The following TBC1D14 variants were observed in gnomAD, a reference collection of about 807,000 sequenced individuals.
The protein encoded by TBC1D14 is TBC1 domain family member 14.
Under a neutral mutation model 79.0 loss-of-function variants are expected in TBC1D14, and 26 were observed. The observed-to-expected ratio is 0.33, with a 90% CI of 0.24 to 0.46. TBC1D14 has a LOEUF of 0.46. Among genes scored for constraint, TBC1D14 ranks in the 20% least tolerant of loss-of-function variants. The pLI is 1.00. For missense variants in TBC1D14, 769 were observed against 887.6 expected (o/e 0.87, Z 1.70); for synonymous variants, 394 against 349.9 (o/e 1.13, Z -1.40).
At chr4:6,964,426 G>T (rs1715522373) in intron 2 of TBC1D14, among the ~76,000 whole-genome samples, 1 of 152,176 alleles carries the variant, frequency 6.6e-6, no homozygotes, top group South Asian at 2.1e-4. Context: ...CCTGACTGCA[G>T]TTTCCCAGAG....
chr4:7,006,542 G>T (rs762021086), intron 8 of TBC1D14, 90 bp from the exon 9 acceptor site: 8 of 1,204,974 alleles, frequency 6.6e-6, no homozygotes, highest in Admixed American at 4.3e-5. Flanking sequence ...ACTTTTTTCC[G>T]TGTTTTGTTC....
At chr4:6,925,106 A>G (rs1191402610) in intron 2 of TBC1D14, among the ~76,000 whole-genome samples, 2 of 152,180 alleles carry the variant, frequency 1.3e-5, no homozygotes, top group African/African-American at 4.8e-5. Flanking sequence ...CAGTCTGGCC[A>G]ACATGGCAAA....
At chr4:7,003,708 G>A (rs1719896458) in intron 7 of TBC1D14, among the ~76,000 whole-genome samples, 1 of 152,160 alleles carries the variant, frequency 6.6e-6, no homozygotes, top group South Asian at 2.1e-4. Flanking sequence ...GAACATCAGA[G>A]CCAGAGGAGT....
chr4:7,006,590 G>A (rs151148499), intron 8 of TBC1D14, 42 bp from the exon 9 acceptor site: 4 of 1,556,870 alleles, frequency 2.6e-6, no homozygotes, highest in Non-Finnish European at 3.5e-6. Context: ...TCCTACATTC[G>A]TGCCCTTGAG....
intron 2 of TBC1D14, among the ~76,000 whole-genome samples, chr4:6,946,074 G>T (rs922814752): frequency 1.3e-5 from 2 of 152,028 alleles, no homozygotes; most frequent in Non-Finnish European, 2.9e-5. Flanking sequence ...GCACTTTATC[G>T]CACGATCTGA....
Position 6,930,376 on chromosome 4 carries a change from A to G in TBC1D14, c.722+6265A>G, listed in dbSNP as rs148235660. On this transcript the variant is annotated intron_variant, in intron 2 of 13. Coordinates refer to ENST00000409757, the MANE Select transcript of TBC1D14 (RefSeq NM_020773.3). ...GGTTGGTGGCCTTTGTGGGCTGGCC[A>G]TCGACAGGGGAGGGAGATACAGTAG... Among the ~76,000 whole-genome samples the G allele has an allele frequency of 8.2e-4, 125 of 152,266 alleles. 3 individuals are homozygous for G. In the East Asian group the frequency reaches 0.023, roughly 28 times the overall value.
At chr4:7,021,463 GGT>G (rs1288557090) in intron 12 of TBC1D14, among the ~76,000 whole-genome samples, 2 of 152,026 alleles carry the variant, frequency 1.3e-5, no homozygotes, top group East Asian at 3.9e-4. Flanking sequence ...CCGGTGTGGT[GGT>G]GTGTGCCTGT....
Position 7,001,126 on chromosome 4 carries a change from T to G in TBC1D14, c.1164-19T>G. The G allele has an allele frequency of 6.2e-7, 1 of 1,609,662 alleles. No individual in the cohort carries two copies. Among genetic ancestry groups the G allele is most frequent in the Non-Finnish European group, 8.5e-7 (1 of 1,176,202 alleles). On this transcript the variant is annotated intron_variant, in intron 6 of 13. Transcript: ENST00000409757. ...TTTGTGTGGAACAAACTCAAACTCCTGCTTCTGTTTTTGTCCAGGTGGTGC... is the reference window on the plus strand; with the variant it reads ...TTTGTGTGGAACAAACTCAAACTCCGGCTTCTGTTTTTGTCCAGGTGGTGC...
intron 7 of TBC1D14, among the ~76,000 whole-genome samples, chr4:7,001,664 A>G (rs1006327943): frequency 2.0e-5 from 3 of 152,002 alleles, no homozygotes; most frequent in Admixed American, 2.0e-4. Context: ...CTTGGAGGAG[A>G]CAACATACTG....
chr4:6,981,484 C>T (rs1717368219), intron 3 of TBC1D14, among the ~76,000 whole-genome samples: 1 of 152,096 alleles, frequency 6.6e-6, no homozygotes, highest in African/African-American at 2.4e-5. Context: ...TTAAAGAAAA[C>T]ACCAATTTGA....
intron 3 of TBC1D14, among the ~76,000 whole-genome samples, chr4:6,980,096 GAATAC>G (rs1165586521): frequency 4.1e-4 from 62 of 152,258 alleles, no homozygotes; most frequent in African/African-American, 1.4e-3. Flanking sequence ...AGCAAAAGCA[GAATAC>G]AGTTTTTTCA....
In TBC1D14 at chr4:6,923,349, T is replaced by A. The variant is rs779593926; in HGVS notation, c.-17-24T>A. On this transcript the variant is annotated intron_variant, in intron 1 of 13. Transcript: ENST00000409757. ...TCTTTGAATTTTATATCCACTTTAA[T>A]TTCCATGTTTGTGTTTTTTCTAGTT... The A allele has an allele frequency of 1.9e-6, 3 of 1,561,390 alleles. No homozygotes were observed. The South Asian group carries it at 3.6e-5, about 19-fold the overall frequency.
Position 6,936,783 on chromosome 4 carries a change from G to T in TBC1D14, c.722+12672G>T, listed in dbSNP as rs998030614. On this transcript the variant is annotated intron_variant, in intron 2 of 13. Transcript: ENST00000409757. ...TTTCTGTTGTTCCACATCCTCCCCA[G>T]CGTTTGCTGTTGTCAGTGGAAGTTC... is the stretch of plus-strand genomic sequence containing the variant. 2.8e-4 allele frequency among the ~76,000 whole-genome samples: 42 copies of T among 152,328 alleles called. 1 individual carries two copies. Among genetic ancestry groups the T allele is most frequent in the Middle Eastern group, 3.4e-3 (1 of 292 alleles).
chr4:7,008,330 A>C (rs537960289), intron 9 of TBC1D14, among the ~76,000 whole-genome samples: 1 of 152,240 alleles, frequency 6.6e-6, no homozygotes, highest in Non-Finnish European at 1.5e-5. Context: ...TCTAATGAGC[A>C]GAGATTGAGT....
intron 3 of TBC1D14, among the ~76,000 whole-genome samples, chr4:6,986,230 G>T (rs1717807549): frequency 6.6e-6 from 1 of 152,190 alleles, no homozygotes; most frequent in South Asian, 2.1e-4. Context: ...TTCTTTTCAT[G>T]GCCATTTCCC....
chr4:7,002,038 T>G (rs1348220649), intron 7 of TBC1D14, among the ~76,000 whole-genome samples: 2 of 152,178 alleles, frequency 1.3e-5, no homozygotes, highest in Non-Finnish European at 2.9e-5. Context: ...TTTAAACATT[T>G]GATTTGTATC....
At chr4:6,924,388 C>G (rs1724116268) in intron 2 of TBC1D14, among the ~76,000 whole-genome samples, 4 of 152,180 alleles carry the variant, frequency 2.6e-5, no homozygotes. Context: ...CCAGTGTTAC[C>G]AAATCAGCAG....
At chr4:6,987,589 C>A (rs2109122228) in intron 3 of TBC1D14, 2 of 399,972 alleles carry the variant, frequency 5.0e-6, no homozygotes, top group East Asian at 7.2e-5. Flanking sequence ...TGTGTTTCCA[C>A]GTATTTTCTT....
chr4:6,916,866 C>G (rs1020154933), intron 1 of TBC1D14, among the ~76,000 whole-genome samples: 2 of 152,242 alleles, frequency 1.3e-5, no homozygotes, highest in African/African-American at 2.4e-5. Context: ...CTGGGGCGTT[C>G]CTCCTGTGCC....
Sources: allele counts gnomAD v4.1 joint callset (sites outside exome capture counted in the v4.1 genomes callset), GRCh38; gene constraint gnomAD v4.1.1; transcripts MANE v1.5; gene names NCBI Gene and HGNC (gene_info 2026-07-23, HGNC 2026-07-21).